Variants in THADA observed in about 807,000 individuals in gnomAD.
THADA encodes THADA armadillo repeat containing, also known as tRNA (32-2'-O)-methyltransferase regulator THADA.
THADA carries 213 observed loss-of-function variants against 219.8 expected under a neutral mutation model. The observed-to-expected ratio is 0.97, with a 90% CI of 0.87 to 1.09. The LOEUF (loss-of-function observed/expected upper bound fraction) is 1.09. Among genes scored for constraint, THADA ranks in the 50% least tolerant of loss-of-function variants. The pLI, the probability that THADA is intolerant of heterozygous loss-of-function variation, is 0.00. For synonymous variants in THADA, 1,018 were observed against 828.9 expected, an observed-to-expected ratio of 1.23 and a Z score of -3.92; for missense variants, 2,956 against 2,311.3, an observed-to-expected ratio of 1.28 and a Z score of -5.72.
chr2:43,436,000 A>T (rs1379234527), intron 26 of THADA, among the ~76,000 whole-genome samples: 2 of 152,108 alleles, frequency 1.3e-5, no homozygotes, highest in Non-Finnish European at 2.9e-5. Flanking sequence ...AATTCTATTT[A>T]GCCACCTGGA....
At chr2:43,409,229 G>C (rs1353557869) in intron 28 of THADA, among the ~76,000 whole-genome samples, 1 of 152,144 alleles carries the variant, frequency 6.6e-6, no homozygotes, top group East Asian at 1.9e-4. Context: ...TTTTGCTGAA[G>C]CTAATTAATG....
At chr2:43,381,097 CAAAAAA>C (rs58711910) in intron 29 of THADA, among the ~76,000 whole-genome samples, 1 of 54,400 alleles carries the variant, frequency 1.8e-5, no homozygotes, top group African/African-American at 8.3e-5. Context: ...GAGACTTTGT[CAAAAAA>C]AAAAAAAAAA....
At chr2:43,586,804 T>C in intron 5 of THADA, 50 bp downstream of exon 5, 1 of 1,611,616 alleles carries the variant, frequency 6.2e-7, no homozygotes, top group Non-Finnish European at 8.5e-7. Flanking sequence ...AAAACTATGA[T>C]GTGATGAGAG....
At chr2:43,567,767 T>C (rs1347539827) in intron 14 of THADA, among the ~76,000 whole-genome samples, 2 of 152,258 alleles carry the variant, frequency 1.3e-5, no homozygotes, top group African/African-American at 2.4e-5. Context: ...GGATCCCTAG[T>C]GCTGAGCACA....
At chr2:43,558,645 T>G (rs1697683340) in intron 16 of THADA, among the ~76,000 whole-genome samples, 1 of 152,196 alleles carries the variant, frequency 6.6e-6, no homozygotes, top group South Asian at 2.1e-4. Context: ...ATCAGACTCT[T>G]GCAAGTTCTT....
intron 26 of THADA, among the ~76,000 whole-genome samples, chr2:43,475,086 T>C (rs1296595636): frequency 6.6e-6 from 1 of 152,208 alleles, no homozygotes; most frequent in Non-Finnish European, 1.5e-5. Flanking sequence ...ATCAAAACAC[T>C]TGGTTCATAA....
intron 25 of THADA, among the ~76,000 whole-genome samples, chr2:43,490,507 G>GT (rs936607466): frequency 2.0e-5 from 3 of 151,816 alleles, no homozygotes; most frequent in Non-Finnish European, 4.4e-5. Flanking sequence ...TCCATTCTTA[G>GT]TTTTTTTTCA....
At chr2:43,324,063 G>C (rs1013291335) in intron 30 of THADA, among the ~76,000 whole-genome samples, 3 of 152,176 alleles carry the variant, frequency 2.0e-5, no homozygotes, top group African/African-American at 7.2e-5. Context: ...CAGAGTCATA[G>C]CTTCTTGCCC....
chr2:43,399,170 C>T (rs1028703478), intron 28 of THADA, among the ~76,000 whole-genome samples: 3 of 152,320 alleles, frequency 2.0e-5, no homozygotes, highest in Non-Finnish European at 2.9e-5. Flanking sequence ...TTTACTAGAA[C>T]GCTCAAGACT....
intron 21 of THADA, among the ~76,000 whole-genome samples, chr2:43,528,373 G>A (rs1156900421): frequency 6.6e-6 from 1 of 152,026 alleles, no homozygotes; most frequent in African/African-American, 2.4e-5. Flanking sequence ...CAGGTGATCT[G>A]CCCACCTTGG....
chr2:43,435,046 A>C (rs1679891424), intron 26 of THADA, among the ~76,000 whole-genome samples: 1 of 152,118 alleles, frequency 6.6e-6, no homozygotes, highest in African/African-American at 2.4e-5. Context: ...ATCCCATCAC[A>C]CACCTTGTGA....
chr2:43,541,583 A>C (rs895126026), intron 20 of THADA, among the ~76,000 whole-genome samples: 3 of 151,754 alleles, frequency 2.0e-5, no homozygotes, highest in African/African-American at 4.8e-5. Context: ...CTCATGGCTC[A>C]CTGCAGCCTT....
chr2:43,508,798 T>A lies in THADA; in HGVS notation c.3375-18A>T. The A allele has an allele frequency of 1.2e-6, 2 of 1,609,574 alleles. No individual in the cohort carries two copies. The highest frequency in any genetic ancestry group is 1.7e-6 in the Non-Finnish European group (2 of 1,178,120). ...TTGGGCACCTAAAAGGCATATATAA[T>A]CAAATATTCGGAATTAGGTATCAAA... On this transcript the variant is annotated intron_variant, in intron 22 of 37. Transcript: ENST00000405975.
intron 14 of THADA, among the ~76,000 whole-genome samples, chr2:43,569,062 C>T (rs1357857926): frequency 6.6e-6 from 1 of 152,144 alleles, no homozygotes; most frequent in East Asian, 1.9e-4. Flanking sequence ...GCCCTCACCT[C>T]CCAGACTCCA....
intron 36 of THADA, among the ~76,000 whole-genome samples, chr2:43,239,026 G>A (rs576221811): frequency 6.6e-6 from 1 of 152,302 alleles, no homozygotes; most frequent in South Asian, 2.1e-4. Context: ...TCAAATGGGT[G>A]GGGTTAGCTG....
chr2:43,433,957 G>A (rs575541438), intron 26 of THADA, among the ~76,000 whole-genome samples: 1 of 152,300 alleles, frequency 6.6e-6, no homozygotes, highest in Non-Finnish European at 1.5e-5. Flanking sequence ...CCACAGTGCT[G>A]GGATTACAGG....
intron 10 of THADA, among the ~76,000 whole-genome samples, chr2:43,575,605 C>T (rs1408247133): frequency 3.9e-5 from 6 of 152,084 alleles, no homozygotes; most frequent in Non-Finnish European, 5.9e-5. Flanking sequence ...GGTGCGATCT[C>T]GGCTCACTGC....
At position 43,557,279 on chromosome 2, in the gene THADA, T is replaced by C. The variant is rs566958937; in HGVS notation, c.2464-724A>G. Among the ~76,000 whole-genome samples, 5 of 152,324 alleles carry C rather than the reference T, an allele frequency of 3.3e-5. No homozygotes were observed. The East Asian group carries it at 7.7e-4, about 24-fold the overall frequency. ...TAAAACCTTTTTTTAAAACTGCTTC[T>C]TTCTTCAGCAAAAGTGTACTTTGTC... is the stretch of plus-strand genomic sequence containing the variant. On this transcript the variant is annotated intron_variant, in intron 16 of 37. Coordinates refer to ENST00000405975, the MANE Select transcript of THADA (RefSeq NM_022065.5).
At chr2:43,316,413 G>A (rs908819052) in intron 31 of THADA, among the ~76,000 whole-genome samples, 1 of 152,104 alleles carries the variant, frequency 6.6e-6, no homozygotes, top group East Asian at 1.9e-4. Context: ...GAAAAAAAAT[G>A]ATCTTTTTCT....
Sources: gnomAD v4.1 joint callset for allele counts (sites outside exome capture counted in the v4.1 genomes callset) on GRCh38, gnomAD v4.1.1 for gene constraint, MANE v1.5 for transcripts, NCBI Gene and HGNC (gene_info 2026-07-23, HGNC 2026-07-21) for gene names.